The following SDHAF3 variants were observed in gnomAD, a reference collection of about 807,000 sequenced individuals.
SDHAF3 encodes the protein succinate dehydrogenase assembly factor 3, mitochondrial.
SDHAF3 carries 18 observed loss-of-function variants against 11.5 expected under a neutral mutation model. That is an observed-to-expected ratio of 1.56 (90% CI 1.08 to 2.32). SDHAF3 has a LOEUF of 2.32. SDHAF3 is among the 30% of genes most tolerant of loss of function. SDHAF3 has a pLI of 0.00. For synonymous variants in SDHAF3, 72 were observed against 59.3 expected, an observed-to-expected ratio of 1.21 and a Z score of -0.99; for missense variants, 200 against 154.4, an observed-to-expected ratio of 1.30 and a Z score of -1.57.
At chr7:97,166,988 T>A (rs1047646329) in intron 1 of SDHAF3, among the ~76,000 whole-genome samples, 13 of 152,222 alleles carry the variant, frequency 8.5e-5, no homozygotes, top group African/African-American at 3.1e-4. Flanking sequence ...CTAATTTGAC[T>A]GATCTAGGCA....
chr7:97,121,469 T>C (rs1357546003), intron 1 of SDHAF3, among the ~76,000 whole-genome samples: 2 of 152,256 alleles, frequency 1.3e-5, no homozygotes, highest in African/African-American at 4.8e-5. Context: ...AAGTACCTGT[T>C]CTGTGTCTGT....
At chr7:97,147,188 AT>A (rs1418480762) in intron 1 of SDHAF3, among the ~76,000 whole-genome samples, 2 of 152,128 alleles carry the variant, frequency 1.3e-5, no homozygotes, top group East Asian at 3.9e-4. Flanking sequence ...GGCCTTTTCA[AT>A]TTTCTTCTAT....
Position 97,181,108 on chromosome 7 carries a change from A to C in SDHAF3, c.271A>C (p.Asn91His). 2 of 1,614,100 alleles carry C rather than the reference A, an allele frequency of 1.2e-6. No homozygotes were observed. Among genetic ancestry groups the C allele is most frequent in the Non-Finnish European group, 1.7e-6 (2 of 1,179,956 alleles). The change falls in exon 2 of 2, where the codon AAT becomes CAT. Residue 91 changes from asparagine to histidine, a missense_variant. Physicochemically the swap from Asn to His is moderately conservative, Grantham distance 68 (BLOSUM62 1). Transcript: ENST00000432641. ...CACCTTCCTCCCAGAAGAAAAACTT[A>C]ATGACTTTCGTGATGAACAAATTGG... ...FGTFLPEEKL[N>H]DFRDEQIGQL...
chr7:97,167,228 TAGTG>T (rs1481304341), intron 1 of SDHAF3, among the ~76,000 whole-genome samples: 1 of 152,174 alleles, frequency 6.6e-6, no homozygotes, highest in Non-Finnish European at 1.5e-5. Context: ...GTTCTCACGA[TAGTG>T]AGTTCTCACA....
At chr7:97,128,748 A>G (rs1231161513) in intron 1 of SDHAF3, among the ~76,000 whole-genome samples, 1 of 152,204 alleles carries the variant, frequency 6.6e-6, no homozygotes, top group Non-Finnish European at 1.5e-5. Context: ...TATTTTATTA[A>G]ATAAATGTAG....
chr7:97,166,956 T>G (rs938563529), intron 1 of SDHAF3, among the ~76,000 whole-genome samples: 1 of 152,206 alleles, frequency 6.6e-6, no homozygotes, highest in Non-Finnish European at 1.5e-5. Flanking sequence ...CACTATAGTG[T>G]CTCACTCAGG....
At chr7:97,152,165 C>T (rs185445531) in intron 1 of SDHAF3, among the ~76,000 whole-genome samples, 3 of 152,336 alleles carry the variant, frequency 2.0e-5, no homozygotes, top group Admixed American at 6.5e-5. Context: ...TAACCCACAA[C>T]TGTAACCCCC....
intron 1 of SDHAF3, among the ~76,000 whole-genome samples, chr7:97,179,926 T>C (rs1014925191): frequency 6.6e-6 from 1 of 152,228 alleles, no homozygotes; most frequent in Non-Finnish European, 1.5e-5. Context: ...TTACAAGCAA[T>C]TTATATATCT....
At chr7:97,176,049 T>C (rs966512773) in intron 1 of SDHAF3, among the ~76,000 whole-genome samples, 2 of 152,186 alleles carry the variant, frequency 1.3e-5, no homozygotes, top group African/African-American at 4.8e-5. Flanking sequence ...GCCTAATTTA[T>C]CTCATCCCCT....
chr7:97,153,546 A>G (rs571378573), intron 1 of SDHAF3, among the ~76,000 whole-genome samples: 4 of 152,126 alleles, frequency 2.6e-5, no homozygotes, highest in Non-Finnish European at 4.4e-5. Flanking sequence ...TAATTTTTCA[A>G]CTTCTTTGGA....
In SDHAF3 at chr7:97,151,259, C is replaced by G. The variant is rs151325827; in HGVS notation, c.175-29753C>G. 3.4e-3 allele frequency among the ~76,000 whole-genome samples: 516 copies of G among 152,152 alleles called. 1 individual carries two copies. Among genetic ancestry groups the G allele is most frequent in the Non-Finnish European group, 5.9e-3 (398 of 68,024 alleles). On this transcript the variant is annotated intron_variant, in intron 1 of 1. Transcript: ENST00000432641. ...TTATTATGTGCATATACACGAGAGT[C>G]TCACAAAATAAAAGACTCAGAAAGG... is the stretch of plus-strand genomic sequence containing the variant.
chr7:97,180,750 T>G (rs1432111015), intron 1 of SDHAF3, among the ~76,000 whole-genome samples: 1 of 152,188 alleles, frequency 6.6e-6, no homozygotes, highest in Admixed American at 6.5e-5. Flanking sequence ...CTGAAGCCCA[T>G]CCAGGGACTC....
chr7:97,122,342 T>C (rs896497784), intron 1 of SDHAF3, among the ~76,000 whole-genome samples: 2 of 152,192 alleles, frequency 1.3e-5, no homozygotes, highest in African/African-American at 4.8e-5. Flanking sequence ...AATTACATTC[T>C]AGAAAGATCA....
chr7:97,135,578 C>CGTGTGTGTGTGTGT (rs1562821743), intron 1 of SDHAF3: 8 of 111,388 alleles, frequency 7.2e-5, no homozygotes, highest in African/African-American at 2.8e-4. Context: ...TGCTAGTCCC[C>CGTGTGTGTGTGTGT]ATATGTGTGT....
intron 1 of SDHAF3, among the ~76,000 whole-genome samples, chr7:97,155,192 A>C (rs1789283951): frequency 6.6e-6 from 1 of 152,230 alleles, no homozygotes; most frequent in Admixed American, 6.5e-5. Flanking sequence ...AAACGAGGTC[A>C]ATTTGGGGAG....
chr7:97,123,828 C>T (rs1232595891), intron 1 of SDHAF3, among the ~76,000 whole-genome samples: 4 of 147,510 alleles, frequency 2.7e-5, no homozygotes, highest in African/African-American at 9.9e-5. Flanking sequence ...ATATCCTTCG[C>T]CCACTTTTGG....
intron 1 of SDHAF3, among the ~76,000 whole-genome samples, chr7:97,129,238 G>T (rs12154925): frequency 0.09 from 13,669 of 152,176 alleles, 819 homozygotes; most frequent in Non-Finnish European, 0.13. Flanking sequence ...ATTACTTTTA[G>T]GTTAATCTTG....
chr7:97,153,546 A>T (rs571378573), intron 1 of SDHAF3, among the ~76,000 whole-genome samples: 1 of 152,126 alleles, frequency 6.6e-6, no homozygotes, highest in Non-Finnish European at 1.5e-5. Context: ...TAATTTTTCA[A>T]CTTCTTTGGA....
At chr7:97,123,854 T>A (rs544997317) in intron 1 of SDHAF3, among the ~76,000 whole-genome samples, 19 of 146,320 alleles carry the variant, frequency 1.3e-4, no homozygotes, top group Admixed American at 1.3e-3. Flanking sequence ...TTTTTTTTTT[T>A]TCTTGTAAAT....
Sources: gnomAD v4.1 joint callset for allele counts (sites outside exome capture counted in the v4.1 genomes callset) on GRCh38, gnomAD v4.1.1 for gene constraint, MANE v1.5 for transcripts, NCBI Gene and HGNC (gene_info 2026-07-23, HGNC 2026-07-21) for gene names.